LHPP: variants seen among roughly 807,000 people sequenced by gnomAD.
LHPP encodes phospholysine phosphohistidine inorganic pyrophosphate phosphatase.
LHPP carries 24 observed loss-of-function variants against 30.3 expected under a neutral mutation model. That is an observed-to-expected ratio of 0.79 (90% CI 0.57 to 1.11). The LOEUF (loss-of-function observed/expected upper bound fraction) is 1.11. Ranked by LOEUF, LHPP falls within the 50% of genes most tolerant of loss-of-function variation. The pLI is 0.00. For synonymous variants in LHPP, 150 were observed against 157.1 expected (o/e 0.95, Z 0.34); for missense variants, 356 against 367.2 (o/e 0.97, Z 0.25).
At chr10:124,480,340 G>T (rs1953085714) in intron 1 of LHPP, among the ~76,000 whole-genome samples, 1 of 152,174 alleles carries the variant, frequency 6.6e-6, no homozygotes, top group South Asian at 2.1e-4. Context: ...GAGCATATAG[G>T]CTGAATGAAC....
Position 124,517,360 on chromosome 10 carries a change from A to G in LHPP, c.716+89A>G. On this transcript the variant is annotated intron_variant, in intron 6 of 6. Coordinates refer to ENST00000368842, the MANE Select transcript of LHPP (RefSeq NM_022126.4). This position sits in a 1 kb window ranked among gnomAD's most constrained non-coding sequence, Gnocchi z 4.1. ...TTTTGTTCTTCAAAATAAAGGGGATATTCTTTCCAAATCAAAGAGCAGTAT... is the reference window on the plus strand; with the variant it reads ...TTTTGTTCTTCAAAATAAAGGGGATGTTCTTTCCAAATCAAAGAGCAGTAT... 7 of 848,688 alleles carry G rather than the reference A, an allele frequency of 8.2e-6. No homozygotes were observed. Among genetic ancestry groups the G allele is most frequent in the Non-Finnish European group, 1.1e-5 (6 of 569,456 alleles). 52.6% of individuals were successfully genotyped at this position (848,688 alleles called of 1,614,324 possible).
In LHPP at chr10:124,475,030, C is replaced by CTTTTTTTTTTTTTTTTTTTTT. The variant is rs57739169; in HGVS notation, c.126-9099_126-9098insTTTTTTTTTTTTTTTTTTTTT. ...GAAATGTGCCAGGTGCTTCTCATGT[C>CTTTTTTTTTTTTTTTTTTTTT]TTTTTTTTTTGAAATGGAGTCTCGC... On this transcript the variant is annotated intron_variant, in intron 1 of 6. Transcript: ENST00000368842. Among the ~76,000 whole-genome samples, 23 of 98,660 alleles carry CTTTTTTTTTTTTTTTTTTTTT rather than the reference C, an allele frequency of 2.3e-4. 4 individuals carry two copies. Among genetic ancestry groups the CTTTTTTTTTTTTTTTTTTTTT allele is most frequent in the Admixed American group, 4.0e-4 (3 of 7,562 alleles). 64.7% of individuals were successfully genotyped at this position (98,660 alleles called of 152,430 possible).
At chr10:124,516,050 A>T (rs1954445742) in intron 5 of LHPP, among the ~76,000 whole-genome samples, 1 of 152,158 alleles carries the variant, frequency 6.6e-6, no homozygotes, top group African/African-American at 2.4e-5. Flanking sequence ...CAGGGATCCT[A>T]CTGGGCTCTA....
chr10:124,579,229 A>G (rs10794157), intron 6 of LHPP, among the ~76,000 whole-genome samples: 152,327 of 152,366 alleles, frequency 1, 76,144 homozygotes, highest in Middle Eastern at 1. Flanking sequence ...CAGGCAGCCC[A>G]CCACCGGGGC....
Position 124,611,415 on chromosome 10 carries a change from G to A in LHPP, c.717-1849G>A, listed in dbSNP as rs1196530175. Among the ~76,000 whole-genome samples, 4 of 143,418 alleles carry A rather than the reference G, an allele frequency of 2.8e-5. No individual in the cohort carries two copies. In the East Asian group the frequency reaches 9.4e-4, roughly 34 times the overall value. 94.1% of individuals were successfully genotyped at this position (143,418 alleles called of 152,430 possible). A position where few individuals can be genotyped will look rare whatever the true frequency, so the allele number is the denominator to read the frequency against. On this transcript the variant is annotated intron_variant, in intron 6 of 6. Transcript: ENST00000368842. ...CTTCCTTGGAGGATGGAAGGGAGAG[G>A]GATGTGAGGCTCGTGAGTGCTGTGC... is the stretch of plus-strand genomic sequence containing the variant.
intron 5 of LHPP, among the ~76,000 whole-genome samples, chr10:124,505,283 C>G (rs182938005): frequency 1.2e-4 from 18 of 152,328 alleles, no homozygotes; most frequent in African/African-American, 3.1e-4. Context: ...TAATAATTCT[C>G]TGTTCCTGGC....
intron 6 of LHPP, among the ~76,000 whole-genome samples, chr10:124,534,667 C>T (rs752049544): frequency 1.3e-5 from 2 of 152,208 alleles, no homozygotes; most frequent in Non-Finnish European, 2.9e-5. Flanking sequence ...CAGGCGAGAC[C>T]GCTGTGAGCG....
rs1953702634 is a variant in LHPP, at chr10:124,496,172, T to G, written c.468-789T>G. On this transcript the variant is annotated intron_variant, in intron 3 of 6. Transcript: ENST00000368842. This position sits in a 1 kb window ranked among gnomAD's most constrained non-coding sequence, Gnocchi z 4.3. ...AACTGCGTCTTCAGAGCAGCGCAGGTTAAACCACTTTCTCGCCTCATTGTA... is the reference window on the plus strand; with the variant it reads ...AACTGCGTCTTCAGAGCAGCGCAGGGTAAACCACTTTCTCGCCTCATTGTA... Among the ~76,000 whole-genome samples the G allele has an allele frequency of 6.6e-6, 1 of 152,202 alleles. No homozygotes were observed. Among genetic ancestry groups the G allele is most frequent in the Non-Finnish European group, 1.5e-5 (1 of 68,034 alleles).
intron 5 of LHPP, among the ~76,000 whole-genome samples, chr10:124,513,677 A>T (rs1307377900): frequency 2.0e-5 from 3 of 150,710 alleles, no homozygotes; most frequent in Admixed American, 2.0e-4. Context: ...GCTGGTCTCG[A>T]ACTCCTGACC....
At chr10:124,499,205 G>A (rs978249102) in intron 5 of LHPP, among the ~76,000 whole-genome samples, 3 of 151,784 alleles carry the variant, frequency 2.0e-5, no homozygotes, top group Non-Finnish European at 2.9e-5. Context: ...ATTTTCCATA[G>A]AGATGGGGTT....
intron 3 of LHPP, among the ~76,000 whole-genome samples, chr10:124,491,009 C>G (rs1295537484): frequency 6.6e-6 from 1 of 151,866 alleles, no homozygotes; most frequent in Non-Finnish European, 1.5e-5. Flanking sequence ...TTCTGCACAG[C>G]TAGAATTCTA....
At chr10:124,479,312 A>C (rs1953053597) in intron 1 of LHPP, among the ~76,000 whole-genome samples, 1 of 152,154 alleles carries the variant, frequency 6.6e-6, no homozygotes, top group Non-Finnish European at 1.5e-5. Flanking sequence ...AGCTCTCTGC[A>C]AGCCTTGCTG....
chr10:124,553,982 G>A (rs1948238629), intron 6 of LHPP: 1 of 985,322 alleles, frequency 1.0e-6, no homozygotes, highest in Non-Finnish European at 1.2e-6. Context: ...TGGGAACTGG[G>A]CGCTCCTGTG....
chr10:124,498,718 G>A (rs1453045664), intron 5 of LHPP: 1 of 454,790 alleles, frequency 2.2e-6, no homozygotes, highest in Admixed American at 2.6e-5. Context: ...TGGCTAGAGT[G>A]CAGTGTAGTG....
At chr10:124,610,098 T>C (rs1949150466) in intron 6 of LHPP, among the ~76,000 whole-genome samples, 1 of 152,214 alleles carries the variant, frequency 6.6e-6, no homozygotes, top group Admixed American at 6.5e-5. Context: ...CTCGTGGTGA[T>C]GCCGAGTCCA....
intron 3 of LHPP, among the ~76,000 whole-genome samples, chr10:124,495,243 G>T (rs564096636): frequency 1.3e-5 from 2 of 150,266 alleles, no homozygotes; most frequent in Non-Finnish European, 1.5e-5. Context: ...TCCCTGTGCC[G>T]TGACCCCAGA....
At chr10:124,555,609 T>C (rs558712424) in intron 6 of LHPP, among the ~76,000 whole-genome samples, 1 of 152,228 alleles carries the variant, frequency 6.6e-6, no homozygotes, top group Non-Finnish European at 1.5e-5. Flanking sequence ...GCTGGCCTTA[T>C]TGGAGTCCCT....
At chr10:124,599,338 T>A (rs987882879) in intron 6 of LHPP, among the ~76,000 whole-genome samples, 2 of 152,214 alleles carry the variant, frequency 1.3e-5, no homozygotes, top group Admixed American at 1.3e-4. Flanking sequence ...ACCTGCACCA[T>A]CTCGGTGAAT....
At chr10:124,469,475 A>T (rs1952664145) in intron 1 of LHPP, among the ~76,000 whole-genome samples, 1 of 151,558 alleles carries the variant, frequency 6.6e-6, no homozygotes, top group African/African-American at 2.4e-5. Flanking sequence ...GCAGGTGCTT[A>T]ACCACCCACC....
Sources: allele counts gnomAD v4.1 joint callset (sites outside exome capture counted in the v4.1 genomes callset), GRCh38; gene constraint gnomAD v4.1.1; non-coding constraint Gnocchi (gnomAD v3.1); transcripts MANE v1.5; gene names NCBI Gene and HGNC (gene_info 2026-07-23, HGNC 2026-07-21).